ZCCHC7: variants seen among roughly 807,000 people sequenced by gnomAD.
ZCCHC7 encodes the protein zinc finger CCHC-type containing 7, also known as zinc finger CCHC domain-containing protein 7.
A neutral mutation model predicts 52.0 loss-of-function variants in ZCCHC7; 35 were observed. That is an observed-to-expected ratio of 0.67 (90% CI 0.51 to 0.89). ZCCHC7 has a LOEUF of 0.89. Among genes scored for constraint, ZCCHC7 ranks in the 40% least tolerant of loss-of-function variants. ZCCHC7 has a pLI of 0.00. For synonymous variants in ZCCHC7, 217 were observed against 221.5 expected (o/e 0.98, Z 0.18); for missense variants, 574 against 649.1 (o/e 0.88, Z 1.26).
intron 2 of ZCCHC7, among the ~76,000 whole-genome samples, chr9:37,157,445 T>C (rs965849124): frequency 6.6e-6 from 1 of 152,106 alleles, no homozygotes; most frequent in African/African-American, 2.4e-5. Flanking sequence ...TGAGCCATGA[T>C]TGTGCCACTG....
intron 2 of ZCCHC7, among the ~76,000 whole-genome samples, chr9:37,257,831 A>G (rs1826664169): frequency 6.6e-6 from 1 of 152,132 alleles, no homozygotes; most frequent in Non-Finnish European, 1.5e-5. Context: ...AGCCCTCACT[A>G]GAAGCTAAGC....
At chr9:37,236,332 G>A (rs1825646573) in intron 2 of ZCCHC7, among the ~76,000 whole-genome samples, 1 of 151,282 alleles carries the variant, frequency 6.6e-6, no homozygotes, top group Admixed American at 6.6e-5. Context: ...TGAAGACCAT[G>A]TTATATTTTA....
At chr9:37,312,130 G>A (rs1312408326) in intron 5 of ZCCHC7, among the ~76,000 whole-genome samples, 1 of 152,130 alleles carries the variant, frequency 6.6e-6, no homozygotes, top group Non-Finnish European at 1.5e-5. Context: ...GATATGACTG[G>A]CCAGAAATAA....
chr9:37,294,009 A>T lies in ZCCHC7; in HGVS notation c.611-8179A>T, dbSNP rs149846594. Among the ~76,000 whole-genome samples, 14 of 152,302 alleles carry T rather than the reference A, an allele frequency of 9.2e-5. No individual in the cohort carries two copies. The East Asian group carries it at 2.7e-3, about 29-fold the overall frequency. ...GATTTAAAATAAGATGAACATTTTG[A>T]TGCTTTACTTGCAAATTCTGCTATT... is the stretch of plus-strand genomic sequence containing the variant. On this transcript the variant is annotated intron_variant, in intron 2 of 8. Coordinates refer to ENST00000336755, the MANE Select transcript of ZCCHC7 (RefSeq NM_032226.3).
intron 5 of ZCCHC7, among the ~76,000 whole-genome samples, chr9:37,325,560 A>T (rs1019447998): frequency 2.6e-5 from 4 of 152,202 alleles, no homozygotes; most frequent in Non-Finnish European, 5.9e-5. Context: ...ACGTGCAACG[A>T]CTAGGGAATG....
chr9:37,288,532 A>G (rs1033213451), intron 2 of ZCCHC7, among the ~76,000 whole-genome samples: 1 of 152,056 alleles, frequency 6.6e-6, no homozygotes. Flanking sequence ...AAAATCATCA[A>G]ACATTTGTCT....
chr9:37,353,178 G>A (rs1373161225), intron 7 of ZCCHC7, among the ~76,000 whole-genome samples: 1 of 152,130 alleles, frequency 6.6e-6, no homozygotes, highest in South Asian at 2.1e-4. Context: ...AGTTAAATCT[G>A]AAAAGGCAAA....
At chr9:37,279,287 G>C (rs1827834099) in intron 2 of ZCCHC7, among the ~76,000 whole-genome samples, 1 of 151,864 alleles carries the variant, frequency 6.6e-6, no homozygotes, top group African/African-American at 2.4e-5. Context: ...GACTGGGATG[G>C]GCAGGTAAAT....
intron 6 of ZCCHC7, among the ~76,000 whole-genome samples, chr9:37,334,357 A>G (rs1712059636): frequency 1.3e-5 from 2 of 151,960 alleles, no homozygotes; most frequent in South Asian, 4.1e-4. Flanking sequence ...AGTAATTCCT[A>G]AAGGTCTGAA....
At chr9:37,352,607 C>T (rs1381798696) in intron 7 of ZCCHC7, among the ~76,000 whole-genome samples, 4 of 149,494 alleles carry the variant, frequency 2.7e-5, no homozygotes, top group African/African-American at 1.0e-4. Flanking sequence ...CAACCTCCAC[C>T]TCCTAGGTTC....
chr9:37,189,576 C>G (rs1052846170), intron 2 of ZCCHC7, among the ~76,000 whole-genome samples: 1 of 152,090 alleles, frequency 6.6e-6, no homozygotes, highest in African/African-American at 2.4e-5. Context: ...TTAGTAGAGA[C>G]GCGGTTTCAC....
At chr9:37,275,839 G>A (rs748365764) in intron 2 of ZCCHC7, among the ~76,000 whole-genome samples, 1 of 152,096 alleles carries the variant, frequency 6.6e-6, no homozygotes, top group East Asian at 1.9e-4. Flanking sequence ...TAGTAGACAC[G>A]GAGTTTCACC....
chr9:37,194,424 G>A (rs1823179964), intron 2 of ZCCHC7, among the ~76,000 whole-genome samples: 2 of 152,128 alleles, frequency 1.3e-5, no homozygotes, highest in South Asian at 4.1e-4. Flanking sequence ...AATCAAGCAG[G>A]ATGAAGCAGT....
chr9:37,131,796 T>A (rs1418780195), intron 2 of ZCCHC7, among the ~76,000 whole-genome samples: 1 of 152,236 alleles, frequency 6.6e-6, no homozygotes, highest in African/African-American at 2.4e-5. Context: ...AGGTTGTTGA[T>A]TAGCTTCCTG....
intron 7 of ZCCHC7, among the ~76,000 whole-genome samples, chr9:37,353,382 C>A (rs975397926): frequency 1.3e-5 from 2 of 152,154 alleles, no homozygotes; most frequent in Non-Finnish European, 2.9e-5. Context: ...CATAGTGAGA[C>A]CTTGCCTCTA....
intron 2 of ZCCHC7, among the ~76,000 whole-genome samples, chr9:37,226,288 T>A (rs779267954): frequency 1.3e-5 from 2 of 152,144 alleles, no homozygotes; most frequent in Non-Finnish European, 2.9e-5. Flanking sequence ...AGAAAAAGAA[T>A]CTAAATAAAT....
intron 2 of ZCCHC7, among the ~76,000 whole-genome samples, chr9:37,193,686 ATT>A (rs1433739143): frequency 2.0e-5 from 3 of 152,074 alleles, no homozygotes; most frequent in Non-Finnish European, 4.4e-5. Context: ...TTCATGTACA[ATT>A]TTATATGAGC....
chr9:37,140,204 A>G (rs796791350), intron 2 of ZCCHC7, among the ~76,000 whole-genome samples: 4 of 152,110 alleles, frequency 2.6e-5, no homozygotes, highest in African/African-American at 4.8e-5. Context: ...ACTTTTGTCA[A>G]TGGTTTTATT....
At chr9:37,334,148 C>T (rs1830556455) in intron 6 of ZCCHC7, among the ~76,000 whole-genome samples, 2 of 151,804 alleles carry the variant, frequency 1.3e-5, no homozygotes, top group African/African-American at 4.8e-5. Context: ...TTAGCATATT[C>T]AAGTGATTAT....
Sources: gnomAD v4.1 joint callset for allele counts (sites outside exome capture counted in the v4.1 genomes callset) on GRCh38, gnomAD v4.1.1 for gene constraint, MANE v1.5 for transcripts, NCBI Gene and HGNC (gene_info 2026-07-23, HGNC 2026-07-21) for gene names.